Variants in TTC6 observed in about 807,000 individuals in gnomAD.
TTC6 encodes tetratricopeptide repeat domain 6, also known as tetratricopeptide repeat protein 6.
A neutral mutation model predicts 210.4 loss-of-function variants in TTC6; 172 were observed. The ratio of observed to expected loss-of-function variants is 0.82; its 90% confidence interval spans 0.72 to 0.93. TTC6 has a LOEUF of 0.93. Among genes scored for constraint, TTC6 ranks in the 40% least tolerant of loss-of-function variants. The pLI is 0.00. For missense variants in TTC6, 2,414 were observed against 2,318.1 expected (o/e 1.04, Z -0.85); for synonymous variants, 804 against 819.6 (o/e 0.98, Z 0.32).
intron 10 of TTC6, 78 bp downstream of exon 12, chr14:37,739,233 A>C: frequency 7.6e-7 from 1 of 1,323,890 alleles, no homozygotes; most frequent in South Asian, 1.6e-5. Flanking sequence ...TCACCCCATG[A>C]AGTTATTATT....
exon 7 of TTC6, chr14:37,724,993 A>G: frequency 6.6e-7 from 1 of 1,505,282 alleles, no homozygotes; most frequent in Non-Finnish European, 8.9e-7. Context: ...CTCTATATCC[A>G]AAATATGAGG....
At chr14:37,601,871 C>A (rs536086128) in intron 1 of TTC6, among the ~76,000 whole-genome samples, 195 of 152,252 alleles carry the variant, frequency 1.3e-3, no homozygotes, top group African/African-American at 4.4e-3. Context: ...AGCATCCACA[C>A]CTTTCAATAG....
At chr14:37,653,515 T>G (rs2095716549) in intron 1 of TTC6, among the ~76,000 whole-genome samples, 1 of 151,458 alleles carries the variant, frequency 6.6e-6, no homozygotes, top group Non-Finnish European at 1.5e-5. Flanking sequence ...AGCTTCTTAC[T>G]TTGCATCAAA....
At chr14:37,632,892 C>G (rs943586700) in intron 1 of TTC6, among the ~76,000 whole-genome samples, 3 of 152,202 alleles carry the variant, frequency 2.0e-5, no homozygotes, top group African/African-American at 7.2e-5. Flanking sequence ...AACTTCCAGG[C>G]GGCTTTGTTT....
At chr14:37,804,874 G>A (rs1268541303) in intron 21 of TTC6, 60 bp downstream of exon 23, 2 of 1,582,670 alleles carry the variant, frequency 1.3e-6, no homozygotes, top group East Asian at 2.2e-5. Flanking sequence ...TTGCTTGTAT[G>A]CAATTCTGTT....
intron 29 of TTC6, among the ~76,000 whole-genome samples, chr14:37,836,856 A>C: frequency 6.6e-6 from 1 of 152,268 alleles, no homozygotes; most frequent in South Asian, 2.1e-4. Context: ...GAGGGTTAAA[A>C]AATGTATGTA....
At chr14:37,742,205 C>T (rs949021367) in intron 10 of TTC6, among the ~76,000 whole-genome samples, 3 of 152,114 alleles carry the variant, frequency 2.0e-5, no homozygotes, top group Non-Finnish European at 4.4e-5. Context: ...TCTTGTGCCC[C>T]TTTCTAGAAT....
intron 3 of TTC6, among the ~76,000 whole-genome samples, chr14:37,686,340 T>G (rs538672706): frequency 5.3e-5 from 8 of 152,316 alleles, no homozygotes; most frequent in Non-Finnish European, 1.5e-5. Flanking sequence ...GCTATTATCA[T>G]TGGAATATCA....
intron 7 of TTC6, among the ~76,000 whole-genome samples, chr14:37,727,234 G>C (rs1414863054): frequency 6.8e-6 from 1 of 146,864 alleles, no homozygotes. Flanking sequence ...ACATATTTTT[G>C]ATTATTGGCT....
intron 1 of TTC6, among the ~76,000 whole-genome samples, chr14:37,665,098 C>T (rs1460152640): frequency 6.6e-6 from 1 of 150,496 alleles, no homozygotes; most frequent in Non-Finnish European, 1.5e-5. Context: ...GGCAATTCCT[C>T]AAATAGCTTG....
At chr14:37,788,410 A>G (rs1331231809) in intron 15 of TTC6, among the ~76,000 whole-genome samples, 1 of 152,158 alleles carries the variant, frequency 6.6e-6, no homozygotes, top group Non-Finnish European at 1.5e-5. Flanking sequence ...TGAAGAGACA[A>G]CTAGATTTCC....
rs1595273766 is a variant in TTC6 at position 37,792,368 on chromosome 14, C to T, written c.3662C>T (p.Pro1221Leu). 2.6e-6 allele frequency: 4 copies of T among 1,529,282 alleles called. No individual in the cohort carries two copies. The East Asian group carries it at 9.8e-5, about 38-fold the overall frequency. 94.7% of individuals were successfully genotyped at this position (1,529,282 alleles called of 1,614,324 possible). A position where few individuals can be genotyped will look rare whatever the true frequency, so the allele number is the denominator to read the frequency against. Residue 1221 changes from proline to leucine, a missense_variant, in exon 17 of 31, where the codon CCT becomes CTT. Coordinates refer to ENST00000553443, the Ensembl canonical transcript of TTC6. Reference sequence around the variant, plus strand: ...TTTTCTGAGGCTATTAGAATTGATCCTTTATGTATTCAAAGCTATCTTTGT... The same window carrying T: ...TTTTCTGAGGCTATTAGAATTGATCTTTTATGTATTCAAAGCTATCTTTGT...
chr14:37,607,911 A>G (rs1480640253), intron 2 of TTC6, among the ~76,000 whole-genome samples: 1 of 152,226 alleles, frequency 6.6e-6, no homozygotes, highest in Non-Finnish European at 1.5e-5. Context: ...GAAATCTATA[A>G]GTAATCCTGT....
At chr14:37,770,705 G>T (rs1326964366) in intron 14 of TTC6, among the ~76,000 whole-genome samples, 1 of 148,936 alleles carries the variant, frequency 6.7e-6, no homozygotes, top group Admixed American at 6.7e-5. Context: ...GTCTCTGCAC[G>T]TGAGATGGGT....
intron 26 of TTC6, among the ~76,000 whole-genome samples, chr14:37,822,341 G>T (rs987110413): frequency 6.6e-6 from 1 of 152,122 alleles, no homozygotes; most frequent in African/African-American, 2.4e-5. Context: ...CATGAAGGAA[G>T]GGGTAGTTTG....
chr14:37,787,402 C>G (rs1261522533), intron 14 of TTC6, 66 bp from the exon 17 acceptor site: 1 of 1,096,454 alleles, frequency 9.1e-7, no homozygotes, highest in Non-Finnish European at 1.2e-6. Context: ...ATTAGTTGTA[C>G]AGGTTTACCA....
At chr14:37,621,729 T>C (rs2095651391), upstream of TTC6, among the ~76,000 whole-genome samples, 1 of 152,176 alleles carries the variant, frequency 6.6e-6, no homozygotes, top group Non-Finnish European at 1.5e-5. Context: ...TTTTCTAAGC[T>C]ATGTTTAGTA....
At chr14:37,766,332 A>G (rs2095999273) in intron 14 of TTC6, among the ~76,000 whole-genome samples, 3 of 152,310 alleles carry the variant, frequency 2.0e-5, no homozygotes, top group Admixed American at 1.3e-4. Context: ...CACAGTAACC[A>G]ATACGTAGTT....
chr14:37,730,829 ACTT>A (rs2095883999), intron 7 of TTC6, among the ~76,000 whole-genome samples: 1 of 152,152 alleles, frequency 6.6e-6, no homozygotes, highest in Non-Finnish European at 1.5e-5. Flanking sequence ...CCCACTTGGA[ACTT>A]CTTGGTCTTG....
Sources: allele counts gnomAD v4.1 joint callset (sites outside exome capture counted in the v4.1 genomes callset), GRCh38; gene constraint gnomAD v4.1.1; transcripts MANE v1.5; gene names NCBI Gene and HGNC (gene_info 2026-07-23, HGNC 2026-07-21).